The following VARS2 variants were observed in gnomAD, a reference collection of about 807,000 sequenced individuals.
VARS2 encodes valyl-tRNA synthetase 2, mitochondrial, also known as valine--tRNA ligase, mitochondrial.
VARS2 carries 105 observed loss-of-function variants against 154.1 expected under a neutral mutation model. That is an observed-to-expected ratio of 0.68 (90% CI 0.58 to 0.80). The LOEUF (loss-of-function observed/expected upper bound fraction) is 0.80, where lower values mean the gene tolerates loss of function less well. VARS2 is among the 30% of genes least tolerant of loss of function. The probability of loss-of-function intolerance (pLI) is 0.00; values close to 1 mark genes in which losing one functional copy is unlikely to be tolerated. For missense variants in VARS2, 1,157 were observed against 1,361.4 expected (o/e 0.85, Z 2.36); for synonymous variants, 483 against 539.5 (o/e 0.90, Z 1.45).
Position 30,921,280 on chromosome 6 carries a change from A to G in VARS2, c.1607A>G (p.Tyr536Cys). ...TGGTGGGGCCATCAGATTCCAGCCT[A>G]CCTGGTTGTAGAGGACCATGCGCAG... ...QLWWGHQIPA[Y>C]LVVEDHAQGE... Residue 536 changes from tyrosine (Y) to cysteine (C), a missense_variant, in exon 17 of 30, where the codon TAC becomes TGC. Tyr to Cys is a radical substitution (Grantham distance 194). Transcript: ENST00000676266. The surrounding 1 kb of genome is among the most constrained non-coding windows in gnomAD (Gnocchi z 4.6). The G allele has an allele frequency of 1.9e-6, 3 of 1,614,078 alleles. No homozygotes were observed. The highest frequency in any genetic ancestry group is 8.5e-7 in the Non-Finnish European group (1 of 1,180,006).
Position 30,919,769 on chromosome 6 carries a change from G to T in VARS2, c.1086G>T (p.Gly362=), listed in dbSNP as rs1242476026. The change falls in exon 12 of 30, where the codon GGG becomes GGT. Residue 362 remains glycine, a synonymous_variant. Transcript: ENST00000676266. This position sits in a 1 kb window ranked among gnomAD's most constrained non-coding sequence, Gnocchi z 4.5. The stretch of plus-strand genomic sequence containing the variant: ...TCCCTTCCCTTCAGCATCTACACGG[G>T]CGACAGCTTCGTCACCCCTTGATGG... ...PDDSRYTHLH[G]RQLRHPLMGQ... is the part of the protein sequence containing the mutation. 1 of 1,584,002 alleles carries T rather than the reference G, an allele frequency of 6.3e-7. No individual in the cohort carries two copies. Among genetic ancestry groups the T allele is most frequent in the East Asian group, 2.3e-5 (1 of 43,866 alleles).
rs746363136 is a variant in VARS2, at chr6:30,915,933, G to A, written c.507-48G>A. The stretch of plus-strand genomic sequence containing the variant: ...AATAGGAAGGGCAGGAATGAGTGAG[G>A]ATAAACATTTAAGCTCAGGGGCTCA... On this transcript the variant is annotated intron_variant, in intron 5 of 29. Transcript: ENST00000676266. 4 of 1,614,150 alleles carry A rather than the reference G, an allele frequency of 2.5e-6. No homozygotes were observed. In the South Asian group the frequency reaches 4.4e-5, roughly 18 times the overall value.
chr6:30,926,088 C>T lies in VARS2; in HGVS notation c.3091-21C>T, dbSNP rs201733044. On this transcript the variant is annotated intron_variant, in intron 29 of 29. Transcript: ENST00000676266. ...GAGGGGCCTCATTCCTGGATCCTCACCTCCTTTTCTCCTCGTCCAGCTTTC... is the reference window on the plus strand; with the variant it reads ...GAGGGGCCTCATTCCTGGATCCTCATCTCCTTTTCTCCTCGTCCAGCTTTC... 4,220 of 1,613,052 alleles carry T rather than the reference C, an allele frequency of 2.6e-3. 10 individuals are homozygous for T. The highest frequency in any genetic ancestry group is 3.4e-3 in the Non-Finnish European group (4,019 of 1,179,998).
Position 30,921,227 on chromosome 6 carries a change from C to T in VARS2, c.1557-3C>T. 1 of 1,614,052 alleles carries T rather than the reference C, an allele frequency of 6.2e-7. No individual in the cohort carries two copies. The highest frequency in any genetic ancestry group is 1.6e-4 in the Middle Eastern group (1 of 6,062). On this transcript the variant is annotated splice_polypyrimidine_tract_variant and splice_region_variant and intron_variant, in intron 16 of 29. Transcript: ENST00000676266. The surrounding 1 kb of genome is among the most constrained non-coding windows in gnomAD (Gnocchi z 4.6). ...TAAGACTTCACGAATGTCCTCCCGG[C>T]AGGGACTGGTGTGTCTCCCGGCAGC...
intron 28 of VARS2, 35 bp from the exon 29 acceptor site, chr6:30,925,845 G>A (rs370789730): frequency 1.6e-5 from 26 of 1,611,498 alleles, no homozygotes; most frequent in African/African-American, 5.3e-5. Flanking sequence ...GGCAGCAGGC[G>A]GATGTCTGAG....
In VARS2 at chr6:30,920,318, C is replaced by A. The variant is rs774119587; in HGVS notation, c.1294-15C>A. Reference sequence around the variant, plus strand: ...TAGAGGCCTTCAGTCTTTACTCTTGCCGCTTTTTCTCCAGGGTCTTCACCG... The same window carrying A: ...TAGAGGCCTTCAGTCTTTACTCTTGACGCTTTTTCTCCAGGGTCTTCACCG... On this transcript the variant is annotated splice_polypyrimidine_tract_variant and intron_variant, in intron 13 of 29. Transcript: ENST00000676266. This position sits in a 1 kb window ranked among gnomAD's most constrained non-coding sequence, Gnocchi z 4.6. The A allele has an allele frequency of 6.2e-7, 1 of 1,601,446 alleles. No individual in the cohort carries two copies. Among genetic ancestry groups the A allele is most frequent in the South Asian group, 1.1e-5 (1 of 88,588 alleles).
At position 30,922,063 on chromosome 6, in the gene VARS2, A is replaced by G; in HGVS notation, c.1807-53A>G. ...GGAAGGGATGGCTGGGCCCCCACAG[A>G]GGCTTGAGGGGGGCCTGGGGCCTGG... On this transcript the variant is annotated intron_variant, in intron 19 of 29. Transcript: ENST00000676266. 12 of 1,612,048 alleles carry G rather than the reference A, an allele frequency of 7.4e-6. No individual in the cohort carries two copies. The South Asian group carries it at 1.3e-4, about 18-fold the overall frequency.
chr6:30,923,123 A>G lies in VARS2; in HGVS notation c.2205A>G (p.Ser735=), dbSNP rs1440838382. ...HGVQAGDLHL[S]VSEVQSCRHF... ...TTCCAGCGGGCGACTTGCACCTGTCAGTCTCTGAGGTCCAGAGCTGCCGAC... is the reference window on the plus strand; with the variant it reads ...TTCCAGCGGGCGACTTGCACCTGTCGGTCTCTGAGGTCCAGAGCTGCCGAC... Residue 735 remains serine (S), a synonymous_variant, in exon 24 of 30, where the codon TCA becomes TCG. Transcript: ENST00000676266. 6.2e-7 allele frequency: 1 copy of G among 1,612,954 alleles called. No homozygotes were observed.
chr6:30,920,515 C>A lies in VARS2; in HGVS notation c.1397+79C>A. On this transcript the variant is annotated intron_variant, in intron 14 of 29. Coordinates refer to ENST00000676266, the MANE Select transcript of VARS2 (RefSeq NM_020442.6). The surrounding 1 kb of genome is among the most constrained non-coding windows in gnomAD (Gnocchi z 4.6). ...AGCTTAAGGGTGACAATAGGATGGGCTCTGCACCCCTCCGTTAGAATACGA... is the reference window on the plus strand; with the variant it reads ...AGCTTAAGGGTGACAATAGGATGGGATCTGCACCCCTCCGTTAGAATACGA... The A allele has an allele frequency of 1.4e-6, 2 of 1,409,872 alleles. No homozygotes were observed. Among genetic ancestry groups the A allele is most frequent in the Admixed American group, 2.4e-5 (1 of 41,302 alleles). The allele number at this position is 1,409,872 out of a possible 1,614,324, so 87.3% of individuals were successfully genotyped here.
chr6:30,915,930 G>A (rs781769704), intron 5 of VARS2, 51 bp from the exon 6 acceptor site: 25 of 1,614,056 alleles, frequency 1.5e-5, no homozygotes, highest in East Asian at 1.1e-4. Flanking sequence ...AGGAATGAGT[G>A]AGGATAAACA....
In VARS2 at chr6:30,917,005, A is replaced by G; in HGVS notation, c.753+46A>G. ...TCCCTGTGAGTGATGGGCGATGTTT[A>G]GGGATCTGTGTGGGGCAGGGAGGAA... On this transcript the variant is annotated intron_variant, in intron 8 of 29. Transcript: ENST00000676266. The surrounding 1 kb of genome is among the most constrained non-coding windows in gnomAD (Gnocchi z 4.4). The G allele has an allele frequency of 6.2e-7, 1 of 1,613,594 alleles. No homozygotes were observed. Among genetic ancestry groups the G allele is most frequent in the Non-Finnish European group, 8.5e-7 (1 of 1,179,570 alleles).
intron 4 of VARS2, 130 bp from the exon 5 acceptor site, chr6:30,915,616 C>T: frequency 6.6e-7 from 1 of 1,505,814 alleles, no homozygotes; most frequent in Non-Finnish European, 9.0e-7. Context: ...GGCCAATTCC[C>T]TCCTCTCCAC....
In VARS2 at chr6:30,921,413, T is replaced by C; in HGVS notation, c.1632+108T>C. ...CGCTCCTGCCTGGTCATGTGCTTCA[T>C]GCTCATAGTCATGTAACCTTCTGCG... On this transcript the variant is annotated intron_variant, in intron 17 of 29. Coordinates refer to ENST00000676266, the MANE Select transcript of VARS2 (RefSeq NM_020442.6). This position sits in a 1 kb window ranked among gnomAD's most constrained non-coding sequence, Gnocchi z 4.6. The C allele has an allele frequency of 5.4e-6, 8 of 1,477,094 alleles. No homozygotes were observed. The highest frequency in any genetic ancestry group is 7.5e-6 in the Non-Finnish European group (8 of 1,067,574). The allele number at this position is 1,477,094 out of a possible 1,614,324, so 91.5% of individuals were successfully genotyped here.
chr6:30,920,260 C>A lies in VARS2; in HGVS notation c.1293+44C>A. ...ACCCCATCCTTTGGGGGCTCTCTGTCCCCCTAATCCTCCTCCTAGTTTCTT... is the reference window on the plus strand; with the variant it reads ...ACCCCATCCTTTGGGGGCTCTCTGTACCCCTAATCCTCCTCCTAGTTTCTT... On this transcript the variant is annotated intron_variant, in intron 13 of 29. Coordinates refer to ENST00000676266, the MANE Select transcript of VARS2 (RefSeq NM_020442.6). This position sits in a 1 kb window ranked among gnomAD's most constrained non-coding sequence, Gnocchi z 4.6. The A allele has an allele frequency of 6.4e-7, 1 of 1,559,108 alleles. No homozygotes were observed. Among genetic ancestry groups the A allele is most frequent in the Non-Finnish European group, 8.7e-7 (1 of 1,153,496 alleles).
At chr6:30,924,104 A>G (rs1794698096) in intron 25 of VARS2, 1 of 574,742 alleles carries the variant, frequency 1.7e-6, no homozygotes, top group Non-Finnish European at 3.1e-6. Context: ...AAACTCAATG[A>G]TTTTTTTCCC....
intron 10 of VARS2, among the ~76,000 whole-genome samples, chr6:30,918,546 A>G (rs1214550998): frequency 1.3e-5 from 2 of 152,178 alleles, no homozygotes; most frequent in Non-Finnish European, 1.5e-5. Flanking sequence ...CAAGAATTCT[A>G]TTATAGTTGC....
At chr6:30,914,516 C>G in intron 1 of VARS2, 172 bp downstream of exon 1, 2 of 1,339,622 alleles carry the variant, frequency 1.5e-6, no homozygotes, top group South Asian at 4.2e-5. Flanking sequence ...GGCTCTTGGG[C>G]GCGCTGATGC....
Position 30,921,506 on chromosome 6 carries a change from A to C in VARS2, c.1633-83A>C. On this transcript the variant is annotated intron_variant, in intron 17 of 29. Coordinates refer to ENST00000676266, the MANE Select transcript of VARS2 (RefSeq NM_020442.6). The surrounding 1 kb of genome is among the most constrained non-coding windows in gnomAD (Gnocchi z 4.6). ...GGGGGAACCTGGCCACTCTAAGACC[A>C]CATGAGGACGTGAAAACCAAGTGAC... The C allele has an allele frequency of 6.6e-7, 1 of 1,511,158 alleles. No homozygotes were observed. The highest frequency in any genetic ancestry group is 9.0e-7 in the Non-Finnish European group (1 of 1,110,176). 93.6% of individuals were successfully genotyped at this position (1,511,158 alleles called of 1,614,324 possible). A position where few individuals can be genotyped will look rare whatever the true frequency, so the allele number is the denominator to read the frequency against.
Position 30,917,350 on chromosome 6 carries a change from G to A in VARS2, c.873+126G>A, listed in dbSNP as rs995137104. The A allele has an allele frequency of 6.7e-7, 1 of 1,487,140 alleles. No individual in the cohort carries two copies. Among genetic ancestry groups the A allele is most frequent in the Non-Finnish European group, 9.3e-7 (1 of 1,079,488 alleles). 92.1% of individuals were successfully genotyped at this position (1,487,140 alleles called of 1,614,324 possible). ...TGATGCCTGCCTGTTACAGCTGTGT[G>A]GCTTTTGGCAGGCCGTTTAGTCTCT... On this transcript the variant is annotated intron_variant, in intron 9 of 29. Coordinates refer to ENST00000676266, the MANE Select transcript of VARS2 (RefSeq NM_020442.6). This position sits in a 1 kb window ranked among gnomAD's most constrained non-coding sequence, Gnocchi z 4.4.
Sources: allele counts gnomAD v4.1 joint callset (sites outside exome capture counted in the v4.1 genomes callset), GRCh38; gene constraint gnomAD v4.1.1; non-coding constraint Gnocchi (gnomAD v3.1); transcripts MANE v1.5; gene names NCBI Gene and HGNC (gene_info 2026-07-23, HGNC 2026-07-21).